Variants in HERC1 observed in about 807,000 individuals in gnomAD.
HERC1 encodes HECT and RLD domain containing E3 ubiquitin protein ligase family member 1.
HERC1 carries 160 observed loss-of-function variants against 554.3 expected under a neutral mutation model. That is an observed-to-expected ratio of 0.29 (90% CI 0.25 to 0.33). The LOEUF is 0.33. Among genes scored for constraint, HERC1 ranks in the 10% least tolerant of loss-of-function variants. The pLI, the probability that HERC1 is intolerant of heterozygous loss-of-function variation, is 1.00. For missense variants in HERC1, 4,919 were observed against 5,918.5 expected (o/e 0.83, Z 5.54); for synonymous variants, 2,175 against 2,131.7 (o/e 1.02, Z -0.56).
chr15:63,627,162 C>G (rs1489894407), intron 70 of HERC1, among the ~76,000 whole-genome samples: 1 of 152,154 alleles, frequency 6.6e-6, no homozygotes, highest in African/African-American at 2.4e-5. Flanking sequence ...TAATAGAAAC[C>G]ATTTCCTGCT....
chr15:63,740,236 G>A (rs1459332903), intron 12 of HERC1, among the ~76,000 whole-genome samples: 1 of 152,150 alleles, frequency 6.6e-6, no homozygotes, highest in Admixed American at 6.5e-5. Context: ...AGAAGGTTCG[G>A]TTAGGTTGTA....
intron 46 of HERC1, among the ~76,000 whole-genome samples, chr15:63,660,333 C>CAATA (rs377685698): frequency 1.8e-4 from 27 of 151,648 alleles, no homozygotes; most frequent in South Asian, 6.3e-4. Flanking sequence ...GAAATAAAAA[C>CAATA]AATAAATAAA....
chr15:63,807,113 C>T (rs767710103), intron 1 of HERC1, among the ~76,000 whole-genome samples: 12 of 152,176 alleles, frequency 7.9e-5, no homozygotes, highest in Non-Finnish European at 1.3e-4. Context: ...TTCATTATAA[C>T]ACTACCCTAC....
chr15:63,625,886 CA>C, intron 71 of HERC1, 98 bp downstream of exon 71: 3 of 1,280,148 alleles, frequency 2.3e-6, no homozygotes, highest in Non-Finnish European at 3.3e-6. Flanking sequence ...AAGAATTTTC[CA>C]AAGGCAGAGG....
chr15:63,654,776 G>C (rs1023412555), intron 50 of HERC1, among the ~76,000 whole-genome samples: 16 of 152,008 alleles, frequency 1.1e-4, no homozygotes, highest in Admixed American at 3.9e-4. Context: ...GGCTGAGGCA[G>C]GAGAATTGCT....
intron 1 of HERC1, among the ~76,000 whole-genome samples, chr15:63,811,267 T>C (rs1024717501): frequency 6.6e-6 from 1 of 152,220 alleles, no homozygotes; most frequent in African/African-American, 2.4e-5. Context: ...TCTTAGAAGA[T>C]ACATGCCAAT....
chr15:63,630,469 C>A lies in HERC1; in HGVS notation c.12963G>T (p.Gly4321=). The change falls in exon 69 of 78, where the codon GGG becomes GGT. Residue 4321 remains glycine, a synonymous_variant. Transcript: ENST00000443617. ...DVYAWGSNSE[G]QLGLGHTNHV... is the part of the protein sequence containing the mutation. ...AGCAAGCAATATAAATATTTACCTG[C>A]CCTTCTGAATTGCTCCCCCAGGCAT... 6.2e-7 allele frequency: 1 copy of A among 1,610,088 alleles called. No homozygotes were observed. The highest frequency in any genetic ancestry group is 8.5e-7 in the Non-Finnish European group (1 of 1,178,450).
intron 57 of HERC1, among the ~76,000 whole-genome samples, chr15:63,643,826 C>A (rs147329416): frequency 6.6e-6 from 1 of 152,110 alleles, no homozygotes; most frequent in Non-Finnish European, 1.5e-5. Flanking sequence ...TCTAATTATC[C>A]CTCAGAGACA....
At chr15:63,636,620 G>C (rs2068793152) in intron 64 of HERC1, among the ~76,000 whole-genome samples, 1 of 152,114 alleles carries the variant, frequency 6.6e-6, no homozygotes, top group Admixed American at 6.6e-5. Context: ...TAGCAAAACT[G>C]CGAATAGTCA....
intron 46 of HERC1, among the ~76,000 whole-genome samples, chr15:63,660,284 C>A (rs2070284759): frequency 6.6e-6 from 1 of 152,094 alleles, no homozygotes; most frequent in Non-Finnish European, 1.5e-5. Flanking sequence ...CACGCCACAG[C>A]ACTACAGCCT....
intron 26 of HERC1, 65 bp from the exon 27 acceptor site, chr15:63,696,404 CA>C: frequency 7.2e-6 from 8 of 1,113,084 alleles, no homozygotes; most frequent in Non-Finnish European, 9.3e-6. Context: ...CTCTGTATGC[CA>C]AAAACAGTAT....
At chr15:63,619,690 C>T (rs1033744850) in intron 74 of HERC1, among the ~76,000 whole-genome samples, 1 of 152,134 alleles carries the variant, frequency 6.6e-6, no homozygotes, top group African/African-American at 2.4e-5. Context: ...TTGGTCTATT[C>T]AGAGATTCAA....
intron 43 of HERC1, 133 bp downstream of exon 43, chr15:63,664,337 C>T: frequency 2.9e-6 from 2 of 699,702 alleles, no homozygotes; most frequent in Non-Finnish European, 2.3e-6. Context: ...AAAATGATAT[C>T]CAAATAGCTG....
intron 27 of HERC1, among the ~76,000 whole-genome samples, chr15:63,695,362 T>C (rs1014657804): frequency 2.0e-5 from 3 of 150,172 alleles, no homozygotes; most frequent in African/African-American, 4.9e-5. Flanking sequence ...AAATGCTTGA[T>C]AATTGTTGAG....
chr15:63,627,265 T>C (rs1391716023), intron 70 of HERC1, among the ~76,000 whole-genome samples: 4 of 151,936 alleles, frequency 2.6e-5, no homozygotes, highest in African/African-American at 9.7e-5. Flanking sequence ...CCCTAAGAAA[T>C]AGAGGGGTTA....
chr15:63,626,572 T>C (rs2068309230), intron 70 of HERC1, among the ~76,000 whole-genome samples: 2 of 152,196 alleles, frequency 1.3e-5, no homozygotes, highest in South Asian at 4.1e-4. Flanking sequence ...ATGGGAAACT[T>C]AGCAGAGCCA....
At chr15:63,616,279 G>T in intron 75 of HERC1, 151 bp downstream of exon 75, 1 of 788,466 alleles carries the variant, frequency 1.3e-6, no homozygotes, top group Non-Finnish European at 2.0e-6. Flanking sequence ...AACTGCTGCG[G>T]TTGAGCTGCT....
chr15:63,694,927 T>G lies in HERC1; in HGVS notation c.5122-33A>C, dbSNP rs775021975. ...ACACATAAAGAATTACTTTTTCTAT[T>G]AGCAACAATAATACCTGCTTGCAAA... On this transcript the variant is annotated intron_variant, in intron 27 of 77. Transcript: ENST00000443617. This position sits in a 1 kb window ranked among gnomAD's most constrained non-coding sequence, Gnocchi z 4.3. 1.3e-5 allele frequency: 20 copies of G among 1,588,952 alleles called. No individual in the cohort carries two copies. The highest frequency in any genetic ancestry group is 1.7e-5 in the Non-Finnish European group (20 of 1,165,612).
Position 63,775,735 on chromosome 15 carries a change from G to T in HERC1, c.-26-86C>A. 1 of 952,008 alleles carries T rather than the reference G, an allele frequency of 1.1e-6. No homozygotes were observed. Among genetic ancestry groups the T allele is most frequent in the Non-Finnish European group, 1.6e-6 (1 of 633,708 alleles). 59.0% of individuals were successfully genotyped at this position (952,008 alleles called of 1,614,324 possible). On this transcript the variant is annotated intron_variant, in intron 1 of 77. Coordinates refer to ENST00000443617, the MANE Select transcript of HERC1 (RefSeq NM_003922.4). The surrounding 1 kb of genome is among the most constrained non-coding windows in gnomAD (Gnocchi z 4.0). Reference sequence around the variant, plus strand: ...AATTTCATCTTACATTACAATTAATGATTTCAAACTGGTGAAATGCAGCCG... The same window carrying T: ...AATTTCATCTTACATTACAATTAATTATTTCAAACTGGTGAAATGCAGCCG...
Sources: gnomAD v4.1 joint callset for allele counts (sites outside exome capture counted in the v4.1 genomes callset) on GRCh38, gnomAD v4.1.1 for gene constraint, Gnocchi (gnomAD v3.1) non-coding constraint, MANE v1.5 for transcripts, NCBI Gene and HGNC (gene_info 2026-07-23, HGNC 2026-07-21) for gene names.